GREB1: variants seen among roughly 807,000 people sequenced by gnomAD.
GREB1 encodes protein GREB1.
GREB1 carries 106 observed loss-of-function variants against 200.7 expected under a neutral mutation model. The observed-to-expected ratio is 0.53, with a 90% CI of 0.45 to 0.62. GREB1 has a LOEUF of 0.62. Among genes scored for constraint, GREB1 ranks in the 20% least tolerant of loss-of-function variants. The probability of loss-of-function intolerance (pLI) is 0.00; values close to 1 mark genes in which losing one functional copy is unlikely to be tolerated. For synonymous variants in GREB1, 1,132 were observed against 1,092.4 expected, an observed-to-expected ratio of 1.04 and a Z score of -0.72; for missense variants, 2,243 against 2,556.8, an observed-to-expected ratio of 0.88 and a Z score of 2.65.
At chr2:11,489,402 T>G (rs12467101) in intron 1 of GREB1, among the ~76,000 whole-genome samples, 28 of 152,170 alleles carry the variant, frequency 1.8e-4, no homozygotes, top group Non-Finnish European at 2.4e-4. Flanking sequence ...GAGGTTGCAG[T>G]GAGCCAAGAT....
intron 1 of GREB1, among the ~76,000 whole-genome samples, chr2:11,508,914 G>C (rs983116544): frequency 1.5e-5 from 2 of 137,348 alleles, no homozygotes; most frequent in African/African-American, 5.6e-5. Flanking sequence ...TCGCTCTGTC[G>C]CCCAGGCTGG....
chr2:11,621,250 G>A (rs1047439149), intron 23 of GREB1, among the ~76,000 whole-genome samples: 1 of 152,162 alleles, frequency 6.6e-6, no homozygotes, highest in Non-Finnish European at 1.5e-5. Flanking sequence ...CATGTGGAGC[G>A]CTGACCTAGA....
chr2:11,628,122 C>T (rs1300270039), intron 25 of GREB1, among the ~76,000 whole-genome samples: 2 of 152,270 alleles, frequency 1.3e-5, no homozygotes, highest in Middle Eastern at 3.4e-3. Flanking sequence ...AGGACTCTCT[C>T]AGTGGGAACT....
chr2:11,485,275 A>ATATATATAT (rs1312218903), intron 1 of GREB1, among the ~76,000 whole-genome samples: 23 of 133,776 alleles, frequency 1.7e-4, no homozygotes, highest in African/African-American at 6.1e-4. Context: ...ATATATATGT[A>ATATATATAT]TTTTTTTTTT....
chr2:11,585,354 G>A (rs545581089), intron 8 of GREB1, 80 bp downstream of exon 8: 52 of 827,624 alleles, frequency 6.3e-5, no homozygotes, highest in South Asian at 4.3e-4. Context: ...GTATGTGTGC[G>A]TGTGTGCGTG....
intron 1 of GREB1, among the ~76,000 whole-genome samples, chr2:11,482,945 G>A (rs1672541423): frequency 1.3e-5 from 2 of 151,232 alleles, no homozygotes. Context: ...CGCGGCGGCC[G>A]GAGGACAAAG....
At chr2:11,550,008 A>C (rs961359776) in intron 1 of GREB1, among the ~76,000 whole-genome samples, 3 of 152,052 alleles carry the variant, frequency 2.0e-5, no homozygotes, top group Non-Finnish European at 4.4e-5. Context: ...CACCTGAGTC[A>C]GGAGATTCAA....
intron 21 of GREB1, among the ~76,000 whole-genome samples, chr2:11,617,825 G>A (rs1683560045): frequency 6.6e-6 from 1 of 152,184 alleles, no homozygotes; most frequent in African/African-American, 2.4e-5. Context: ...CCCACCAGGA[G>A]ACTGGCTAGG....
At chr2:11,494,229 G>A (rs1013541648) in intron 1 of GREB1, among the ~76,000 whole-genome samples, 5 of 152,238 alleles carry the variant, frequency 3.3e-5, no homozygotes, top group South Asian at 2.1e-4. Flanking sequence ...CTGATCCGGG[G>A]GTGCCCCCAA....
At chr2:11,635,774 G>T in intron 30 of GREB1, among the ~76,000 whole-genome samples, 1 of 152,184 alleles carries the variant, frequency 6.6e-6, no homozygotes, top group Admixed American at 6.5e-5. Context: ...TGGCCCCATA[G>T]TCATACTATG....
At chr2:11,485,972 T>C (rs1427680319) in intron 1 of GREB1, among the ~76,000 whole-genome samples, 1 of 152,114 alleles carries the variant, frequency 6.6e-6, no homozygotes, top group Admixed American at 6.5e-5. Context: ...ATAATCAGGA[T>C]TGAGAGTGAC....
rs1292220505 is a variant in GREB1 at position 11,616,723 on chromosome 2, G to A, written c.3412+3G>A. ...ATCCCTCTCCTCCAAGGCTTCCGGT[G>A]AGTCTTCCCACACGGGAAGGACCAG... On this transcript the variant is annotated splice_donor_region_variant and intron_variant, in intron 21 of 32. Transcript: ENST00000381486. 1.3e-6 allele frequency: 2 copies of A among 1,592,388 alleles called. No individual in the cohort carries two copies. Among genetic ancestry groups the A allele is most frequent in the Non-Finnish European group, 1.7e-6 (2 of 1,160,122 alleles).
At chr2:11,503,324 A>G (rs1673097820) in intron 1 of GREB1, among the ~76,000 whole-genome samples, 1 of 152,090 alleles carries the variant, frequency 6.6e-6, no homozygotes, top group Non-Finnish European at 1.5e-5. Context: ...TTGGGTTGTA[A>G]ATGGCATTGT....
At chr2:11,539,010 TC>T (rs1185435005) in intron 1 of GREB1, among the ~76,000 whole-genome samples, 7 of 98,726 alleles carry the variant, frequency 7.1e-5, no homozygotes, top group African/African-American at 1.7e-4. Context: ...CTTTCTCCCT[TC>T]TCCTCCCTTC....
intron 16 of GREB1, among the ~76,000 whole-genome samples, chr2:11,601,670 G>A (rs1337464538): frequency 6.6e-6 from 1 of 152,238 alleles, no homozygotes; most frequent in Non-Finnish European, 1.5e-5. Flanking sequence ...AATCCATGGT[G>A]GGGATAGCCA....
chr2:11,569,990 C>T (rs776047217), intron 4 of GREB1, among the ~76,000 whole-genome samples: 3 of 152,142 alleles, frequency 2.0e-5, no homozygotes, highest in Admixed American at 6.5e-5. Context: ...TAAAGGTTAC[C>T]AACACGTGGC....
chr2:11,589,856 G>A (rs1481130619), intron 10 of GREB1, among the ~76,000 whole-genome samples: 1 of 152,190 alleles, frequency 6.6e-6, no homozygotes, highest in African/African-American at 2.4e-5. Flanking sequence ...GGTGAATGGT[G>A]GCAATGAACC....
chr2:11,617,623 T>G (rs1436246917), intron 21 of GREB1, among the ~76,000 whole-genome samples: 1 of 152,204 alleles, frequency 6.6e-6, no homozygotes, highest in Non-Finnish European at 1.5e-5. Context: ...GCGGAAGGTG[T>G]TGCAAGTGCA....
intron 31 of GREB1, 81 bp downstream of exon 31, chr2:11,637,997 A>T: frequency 8.2e-7 from 1 of 1,219,594 alleles, no homozygotes; most frequent in Non-Finnish European, 1.2e-6. Context: ...GGGACTCTGA[A>T]TCCTAAGTCC....
Sources: gnomAD v4.1 joint callset for allele counts (sites outside exome capture counted in the v4.1 genomes callset) on GRCh38, gnomAD v4.1.1 for gene constraint, MANE v1.5 for transcripts, NCBI Gene and HGNC (gene_info 2026-07-23, HGNC 2026-07-21) for gene names.